Variants in ATP8B4 observed in about 807,000 individuals in gnomAD.
ATP8B4 encodes the protein probable phospholipid-transporting ATPase IM.
In ATP8B4, 133 loss-of-function variants were observed where a neutral mutation model predicts 145.6. The ratio of observed to expected loss-of-function variants is 0.91; its 90% CI spans 0.79 to 1.05. The LOEUF (loss-of-function observed/expected upper bound fraction) is 1.05, where lower values mean the gene tolerates loss of function less well. Ranked by LOEUF, ATP8B4 falls within the 50% of genes least tolerant of loss-of-function variation. The probability of loss-of-function intolerance (pLI) is 0.00; values close to 1 mark genes in which losing one functional copy is unlikely to be tolerated. For synonymous variants in ATP8B4, 507 were observed against 492.9 expected, an observed-to-expected ratio of 1.03 and a Z score of -0.38; for missense variants, 1,458 against 1,425.2, an observed-to-expected ratio of 1.02 and a Z score of -0.37.
At chr15:49,991,303 T>A (rs1042084033) in intron 9 of ATP8B4, among the ~76,000 whole-genome samples, 1 of 152,182 alleles carries the variant, frequency 6.6e-6, no homozygotes, top group Non-Finnish European at 1.5e-5. Flanking sequence ...CAACCTTTCC[T>A]CGGTTCAGAA....
intron 14 of ATP8B4, among the ~76,000 whole-genome samples, chr15:49,951,589 T>G (rs2043107779): frequency 6.6e-6 from 1 of 152,212 alleles, no homozygotes; most frequent in Non-Finnish European, 1.5e-5. Context: ...CCTGTTTCTT[T>G]GCACATAAGA....
chr15:50,047,194 C>T (rs958682993), intron 4 of ATP8B4, among the ~76,000 whole-genome samples, 157 bp downstream of exon 4: 4 of 152,160 alleles, frequency 2.6e-5, no homozygotes, highest in Admixed American at 6.5e-5. Flanking sequence ...ACCTCTCCCA[C>T]GTTTGTGAAA....
At chr15:50,045,825 C>T (rs143858894) in intron 4 of ATP8B4, among the ~76,000 whole-genome samples, 1 of 152,202 alleles carries the variant, frequency 6.6e-6, no homozygotes, top group East Asian at 1.9e-4. Context: ...GAGCCTTTGG[C>T]CACAAATGAG....
chr15:49,971,721 T>G (rs2045152085), intron 13 of ATP8B4, among the ~76,000 whole-genome samples: 2 of 152,174 alleles, frequency 1.3e-5, no homozygotes, highest in Non-Finnish European at 2.9e-5. Flanking sequence ...TGGCAATTCC[T>G]CAAGGATCTA....
chr15:50,137,559 G>A (rs2044139696), intron 1 of ATP8B4, among the ~76,000 whole-genome samples: 1 of 152,220 alleles, frequency 6.6e-6, no homozygotes, highest in Non-Finnish European at 1.5e-5. Flanking sequence ...CAGAGTGAAT[G>A]TGCTCTAAGA....
At chr15:50,008,743 G>T (rs1041694475) in intron 7 of ATP8B4, among the ~76,000 whole-genome samples, 2 of 152,148 alleles carry the variant, frequency 1.3e-5, no homozygotes, top group African/African-American at 4.8e-5. Context: ...AGATTTGACT[G>T]CTGCTTTTCT....
At chr15:50,127,357 C>A (rs753065660) in intron 1 of ATP8B4, among the ~76,000 whole-genome samples, 3 of 152,246 alleles carry the variant, frequency 2.0e-5, no homozygotes, top group Non-Finnish European at 4.4e-5. Context: ...GGCAGATTAA[C>A]TGACCCATGT....
At chr15:50,009,956 CTGGAGAATTCAGTATACA>C (rs2048603768) in intron 7 of ATP8B4, among the ~76,000 whole-genome samples, 1 of 152,068 alleles carries the variant, frequency 6.6e-6, no homozygotes, top group Admixed American at 6.6e-5. Context: ...GTGGGTTGTT[CTGGAGAATTCAGTATACA>C]CAGATGGTGC....
chr15:50,113,790 G>A (rs1169008196), intron 1 of ATP8B4, among the ~76,000 whole-genome samples: 4 of 128,858 alleles, frequency 3.1e-5, no homozygotes, highest in African/African-American at 1.2e-4. Context: ...GGTGAGCTGA[G>A]ATCATGCCAT....
chr15:49,999,218 G>A (rs1476548638), intron 8 of ATP8B4, among the ~76,000 whole-genome samples: 1 of 151,982 alleles, frequency 6.6e-6, no homozygotes, highest in Non-Finnish European at 1.5e-5. Context: ...AAAATGATGA[G>A]TTCATGTCCT....
At chr15:50,122,152 A>C (rs572409377), upstream of ATP8B4, among the ~76,000 whole-genome samples, 3 of 152,308 alleles carry the variant, frequency 2.0e-5, no homozygotes, top group Non-Finnish European at 4.4e-5. Flanking sequence ...CCAATGAATT[A>C]TGGTTTTAGA....
chr15:49,978,836 G>GTGTT, intron 12 of ATP8B4, among the ~76,000 whole-genome samples: 1 of 150,994 alleles, frequency 6.6e-6, no homozygotes, highest in Non-Finnish European at 1.5e-5. Context: ...GTGTGTGTGT[G>GTGTT]TATGTGTTCT....
At chr15:49,940,419 AG>A (rs1272429270) in intron 14 of ATP8B4, among the ~76,000 whole-genome samples, 8 of 152,138 alleles carry the variant, frequency 5.3e-5, no homozygotes, top group Non-Finnish European at 1.2e-4. Context: ...GAGTGGGGTA[AG>A]GGTTGAAGAA....
intron 23 of ATP8B4, among the ~76,000 whole-genome samples, chr15:49,891,918 A>G (rs1265777204): frequency 6.6e-6 from 1 of 152,092 alleles, no homozygotes; most frequent in African/African-American, 2.4e-5. Context: ...GATTGAGACC[A>G]TCCTGGCTAA....
At chr15:50,048,771 A>G (rs1208643954) in intron 3 of ATP8B4, among the ~76,000 whole-genome samples, 1 of 152,052 alleles carries the variant, frequency 6.6e-6, no homozygotes, top group Non-Finnish European at 1.5e-5. Flanking sequence ...CACCACAAGT[A>G]CAGATTAGGA....
At chr15:50,023,779 C>CAAAAAAAA (rs60030651) in intron 6 of ATP8B4, among the ~76,000 whole-genome samples, 379 of 74,450 alleles carry the variant, frequency 5.1e-3, no homozygotes, top group Middle Eastern at 9.3e-3. Context: ...AGACCAAAGG[C>CAAAAAAAA]AAAAAAAAAA....
intron 11 of ATP8B4, among the ~76,000 whole-genome samples, chr15:49,980,911 C>T (rs185798777): frequency 1.3e-5 from 2 of 152,198 alleles, no homozygotes; most frequent in African/African-American, 4.8e-5. Context: ...AAACACCAAA[C>T]TGCCTTAAAA....
At chr15:49,866,617 C>T in intron 25 of ATP8B4, 133 bp from the exon 26 acceptor site, 1 of 1,005,180 alleles carries the variant, frequency 9.9e-7, no homozygotes, top group South Asian at 1.6e-5. Context: ...CAACCGCGGG[C>T]ATCCCCACTT....
chr15:50,044,639 G>T lies in ATP8B4; in HGVS notation c.255C>A (p.Val85=). Residue 85 remains valine, a synonymous_variant, in exon 5 of 28, where the codon GTC becomes GTA. Transcript: ENST00000284509. ...LTWFTTIVPL[V]LVITMTAVKD... ...TGACAGCTGTCATAGTTATCACCAG[G>T]ACCAAAGGCACAATGGTGGTAAACC... The T allele has an allele frequency of 6.2e-7, 1 of 1,613,460 alleles. No individual in the cohort carries two copies. The highest frequency in any genetic ancestry group is 8.5e-7 in the Non-Finnish European group (1 of 1,179,660).
Sources: gnomAD v4.1 joint callset for allele counts (sites outside exome capture counted in the v4.1 genomes callset) on GRCh38, gnomAD v4.1.1 for gene constraint, MANE v1.5 for transcripts, NCBI Gene and HGNC (gene_info 2026-07-23, HGNC 2026-07-21) for gene names.